Variants in VAT1L observed in about 807,000 individuals in gnomAD.
VAT1L encodes the protein putative NADPH-dependent quinone oxidoreductase VAT1L.
In VAT1L, 34 loss-of-function variants were observed where a neutral mutation model predicts 44.1. The ratio of observed to expected loss-of-function variants is 0.77; its 90% CI spans 0.59 to 1.03. VAT1L has a LOEUF of 1.03. Among genes scored for constraint, VAT1L ranks in the 50% least tolerant of loss-of-function variants. The probability of loss-of-function intolerance (pLI) is 0.00; values close to 1 mark genes in which losing one functional copy is unlikely to be tolerated. For missense variants in VAT1L, 615 were observed against 538.8 expected, an observed-to-expected ratio of 1.14 and a Z score of -1.40; for synonymous variants, 253 against 202.2, an observed-to-expected ratio of 1.25 and a Z score of -2.13.
chr16:77,803,428 T>TTC (rs1196795088), intron 1 of VAT1L, among the ~76,000 whole-genome samples: 32 of 147,528 alleles, frequency 2.2e-4, no homozygotes, highest in African/African-American at 7.8e-4. Context: ...TTTTTTTTTT[T>TTC]TTTTTTTTTG....
intron 7 of VAT1L, among the ~76,000 whole-genome samples, chr16:77,910,411 G>A (rs373881173): frequency 5.3e-5 from 8 of 152,148 alleles, no homozygotes; most frequent in Non-Finnish European, 8.8e-5. Context: ...GGTGGCTCAT[G>A]CCTGTAATCC....
At chr16:77,833,264 C>T (rs987307679) in intron 3 of VAT1L, among the ~76,000 whole-genome samples, 1 of 152,152 alleles carries the variant, frequency 6.6e-6, no homozygotes, top group Non-Finnish European at 1.5e-5. Context: ...CAAATAGTCA[C>T]ATGGATAACT....
chr16:77,824,396 T>G (rs2016494023), intron 2 of VAT1L, among the ~76,000 whole-genome samples: 1 of 152,198 alleles, frequency 6.6e-6, no homozygotes. Flanking sequence ...GTATTACTTG[T>G]GAAATGTATT....
At chr16:77,880,339 T>C (rs1479002345) in intron 6 of VAT1L, among the ~76,000 whole-genome samples, 1 of 152,088 alleles carries the variant, frequency 6.6e-6, no homozygotes, top group Non-Finnish European at 1.5e-5. Context: ...GTATTTATTT[T>C]GGTAGAGACA....
chr16:77,951,840 TA>T (rs11415182), intron 7 of VAT1L, among the ~76,000 whole-genome samples: 36,690 of 146,018 alleles, frequency 0.25, 4,723 homozygotes, highest in Middle Eastern at 0.29. Flanking sequence ...AGTTTAAAAT[TA>T]AAAAAAAAAA....
At chr16:77,947,538 C>G (rs430416) in intron 7 of VAT1L, among the ~76,000 whole-genome samples, 1 of 152,134 alleles carries the variant, frequency 6.6e-6, no homozygotes, top group South Asian at 2.1e-4. Context: ...GTTATCTTCC[C>G]GAAACACACT....
At chr16:77,900,813 T>C (rs2142475713) in intron 7 of VAT1L, among the ~76,000 whole-genome samples, 1 of 152,086 alleles carries the variant, frequency 6.6e-6, no homozygotes, top group East Asian at 1.9e-4. Context: ...CTCCCATACA[T>C]CTTTTCCCTC....
intron 7 of VAT1L, among the ~76,000 whole-genome samples, chr16:77,949,257 C>G (rs1321804295): frequency 6.6e-6 from 1 of 152,246 alleles, no homozygotes; most frequent in Non-Finnish European, 1.5e-5. Context: ...GGGAGATGTC[C>G]TTCTGCAATT....
chr16:77,899,267 C>G (rs1182769522), intron 7 of VAT1L, among the ~76,000 whole-genome samples: 1 of 152,246 alleles, frequency 6.6e-6, no homozygotes, highest in Non-Finnish European at 1.5e-5. Flanking sequence ...TCTCCTGAAG[C>G]TGTGCTTGTC....
At chr16:77,950,193 G>C (rs2018024780) in intron 7 of VAT1L, among the ~76,000 whole-genome samples, 2 of 152,198 alleles carry the variant, frequency 1.3e-5, no homozygotes, top group Admixed American at 1.3e-4. Flanking sequence ...TGGATGCCTT[G>C]AGGTCAGGAG....
chr16:77,800,005 G>C (rs2016018240), intron 1 of VAT1L: 1 of 152,110 alleles, frequency 6.6e-6, no homozygotes, highest in African/African-American at 2.4e-5. Context: ...GCCATTCCTG[G>C]TCAGTGGGGC....
intron 4 of VAT1L, among the ~76,000 whole-genome samples, chr16:77,875,378 G>A (rs1005110157): frequency 5.3e-5 from 8 of 152,160 alleles, no homozygotes; most frequent in Admixed American, 2.6e-4. Context: ...GAACTTGGGG[G>A]TAGAAAAATT....
chr16:77,807,742 T>A (rs972931601), intron 1 of VAT1L, among the ~76,000 whole-genome samples: 2 of 152,120 alleles, frequency 1.3e-5, no homozygotes, highest in African/African-American at 4.8e-5. Context: ...CTGTTTTACA[T>A]ATACTGTCAC....
At chr16:77,958,733 G>C (rs530252146) in intron 7 of VAT1L, among the ~76,000 whole-genome samples, 7 of 152,128 alleles carry the variant, frequency 4.6e-5, no homozygotes, top group Non-Finnish European at 7.3e-5. Context: ...ATTTGATCAG[G>C]AGAACAACTA....
intron 7 of VAT1L, among the ~76,000 whole-genome samples, chr16:77,927,737 C>T (rs2017686320): frequency 6.6e-6 from 1 of 152,002 alleles, no homozygotes; most frequent in African/African-American, 2.4e-5. Flanking sequence ...GGTGTGGTGG[C>T]ACACGCCTGT....
At chr16:77,910,756 C>T (rs437626) in intron 7 of VAT1L, among the ~76,000 whole-genome samples, 22,670 of 151,532 alleles carry the variant, frequency 0.15, 1,850 homozygotes, top group East Asian at 0.2. Flanking sequence ...CTGAGAAGCC[C>T]TGCATTAAAG....
At chr16:77,857,229 G>A (rs750756574) in intron 3 of VAT1L, among the ~76,000 whole-genome samples, 1 of 152,206 alleles carries the variant, frequency 6.6e-6, no homozygotes, top group Non-Finnish European at 1.5e-5. Flanking sequence ...TTCTGGTTCT[G>A]GAGGTAAACT....
At chr16:77,796,958 C>G (rs2015946325) in intron 1 of VAT1L, among the ~76,000 whole-genome samples, 1 of 152,058 alleles carries the variant, frequency 6.6e-6, no homozygotes, top group Non-Finnish European at 1.5e-5. Context: ...ATAATAGACA[C>G]TGGAGGCTCT....
At chr16:77,956,339 A>G (rs2142529606) in intron 7 of VAT1L, among the ~76,000 whole-genome samples, 1 of 152,328 alleles carries the variant, frequency 6.6e-6, no homozygotes, top group Non-Finnish European at 1.5e-5. Context: ...AGACTCAGGA[A>G]GAAAAGGGGG....
Sources: allele counts gnomAD v4.1 joint callset (sites outside exome capture counted in the v4.1 genomes callset), GRCh38; gene constraint gnomAD v4.1.1; transcripts MANE v1.5; gene names NCBI Gene and HGNC (gene_info 2026-07-23, HGNC 2026-07-21).